Variants in BIRC6 observed in about 807,000 individuals in gnomAD.
The protein encoded by BIRC6 is dual E2 ubiquitin-conjugating enzyme/E3 ubiquitin-protein ligase BIRC6.
In BIRC6, 98 loss-of-function variants were observed where a neutral mutation model predicts 503.3. That is an observed-to-expected ratio of 0.19 (90% CI 0.17 to 0.23). The LOEUF is 0.23. Ranked by LOEUF, BIRC6 falls within the 10% of genes least tolerant of loss-of-function variation. The probability of loss-of-function intolerance (pLI) is 1.00; values close to 1 mark genes in which losing one functional copy is unlikely to be tolerated. For missense variants in BIRC6, 5,360 were observed against 5,806.0 expected (o/e 0.92, Z 2.50); for synonymous variants, 2,240 against 2,078.7 (o/e 1.08, Z -2.11).
chr2:32,432,709 G>A (rs958122021), intron 12 of BIRC6, among the ~76,000 whole-genome samples: 7 of 151,332 alleles, frequency 4.6e-5, no homozygotes, highest in African/African-American at 9.7e-5. Context: ...GTAGTGAGCC[G>A]TGATTGTGCC....
chr2:32,610,212 G>A (rs2062768425), intron 72 of BIRC6, among the ~76,000 whole-genome samples: 3 of 152,064 alleles, frequency 2.0e-5, no homozygotes, highest in South Asian at 4.1e-4. Context: ...AGGTTTGATT[G>A]TCTGTTCTTT....
chr2:32,380,731 A>G lies in BIRC6; in HGVS notation c.645+441A>G, dbSNP rs541629787. Among the ~76,000 whole-genome samples, 35 of 152,094 alleles carry G rather than the reference A, an allele frequency of 2.3e-4. No homozygotes were observed. The South Asian group carries it at 2.9e-3, about 13-fold the overall frequency. On this transcript the variant is annotated intron_variant, in intron 3 of 73. Coordinates refer to ENST00000421745, the MANE Select transcript of BIRC6 (RefSeq NM_016252.4). ...GGAAAGAGTGAGACTCTGTTGCCCA[A>G]AAAAAAAGAAAAAAGTTGAAACTTT...
intron 62 of BIRC6, 23 bp downstream of exon 62, chr2:32,543,564 A>G (rs1470696328): frequency 1.3e-5 from 21 of 1,601,144 alleles, no homozygotes; most frequent in Non-Finnish European, 1.7e-5. Context: ...TATTAAATTT[A>G]TCAACACATA....
At chr2:32,518,753 T>G (rs2055332785) in intron 56 of BIRC6, 64 bp from the exon 57 acceptor site, 1 of 1,517,962 alleles carries the variant, frequency 6.6e-7, no homozygotes. Flanking sequence ...CTTTTGAGAT[T>G]ATTTTATAAC....
At chr2:32,392,939 C>T (rs954549535) in intron 5 of BIRC6, among the ~76,000 whole-genome samples, 2 of 152,018 alleles carry the variant, frequency 1.3e-5, no homozygotes, top group African/African-American at 2.4e-5. Flanking sequence ...CTGTGCTAGG[C>T]CATAATTTTT....
chr2:32,554,220 G>A (rs1251148050), intron 65 of BIRC6, among the ~76,000 whole-genome samples: 1 of 152,008 alleles, frequency 6.6e-6, no homozygotes, highest in African/African-American at 2.4e-5. Context: ...AACTTAGTGG[G>A]GTATGCTACA....
chr2:32,457,798 T>C (rs1277601244), intron 23 of BIRC6, among the ~76,000 whole-genome samples: 1 of 152,136 alleles, frequency 6.6e-6, no homozygotes, highest in Non-Finnish European at 1.5e-5. Context: ...TTAGGTTTTT[T>C]GGGAAAAAGT....
intron 23 of BIRC6, among the ~76,000 whole-genome samples, chr2:32,460,995 CTGCTCTCTT>C (rs2047834792): frequency 7.3e-6 from 1 of 137,436 alleles, no homozygotes; most frequent in Non-Finnish European, 1.6e-5. Context: ...CTGCTCTGCT[CTGCTCTCTT>C]CTCTTCTCTT....
Position 32,406,504 on chromosome 2 carries a change from A to T in BIRC6, c.1424A>T (p.Asp475Val). The T allele has an allele frequency of 6.2e-7, 1 of 1,608,284 alleles. No homozygotes were observed. The highest frequency in any genetic ancestry group is 8.5e-7 in the Non-Finnish European group (1 of 1,175,752). Residue 475 changes from aspartate (D) to valine (V), a missense_variant, in exon 9 of 74, where the codon GAT becomes GTT. Asp to Val is a radical substitution (Grantham distance 152, BLOSUM62 -3). Around this residue, in one of 16 missense-constraint regions of BIRC6, gnomAD observed 700 missense variants for 739.3 expected, o/e 0.95. Transcript: ENST00000421745. ...ACTTTGTTTTTTGATTTAAGTGATG[A>T]TTTACTGGAGGATTCAGACAGTGAA... The part of the protein sequence containing the change: ...DIPKLEGDSD[D>V]LLEDSDSEEH...
rs1048930073 is a variant in BIRC6 at position 32,531,419 on chromosome 2, G to A, written c.12159G>A (p.Met4053Ile). 4 of 1,613,726 alleles carry A rather than the reference G, an allele frequency of 2.5e-6. No homozygotes were observed. In the African/African-American group the frequency reaches 4.0e-5, roughly 16 times the overall value. ...CTCTCACTCCAGGTGATGAATGCATGGATGGGATACTGGATGAATCTTTGC... is the reference window on the plus strand; with the variant it reads ...CTCTCACTCCAGGTGATGAATGCATAGATGGGATACTGGATGAATCTTTGC... ...DEALTPGDEC[M>I]DGILDESLLE... is the part of the protein sequence containing the mutation. Residue 4053 changes from methionine to isoleucine, a missense_variant, in exon 61 of 74, where the codon ATG (methionine) becomes ATA (isoleucine). Around this residue, in one of 16 missense-constraint regions of BIRC6, gnomAD observed 878 missense variants for 928.9 expected, o/e 0.95. Coordinates refer to ENST00000421745, the MANE Select transcript of BIRC6 (RefSeq NM_016252.4).
At position 32,482,602 on chromosome 2, in the gene BIRC6, T is replaced by C; in HGVS notation, c.7696+20T>C. On this transcript the variant is annotated intron_variant, in intron 39 of 73. Transcript: ENST00000421745. The stretch of plus-strand genomic sequence containing the variant: ...CTCAGGGTAAGTGTATGTTTATATT[T>C]TAAGACATATGCTATTCTTAAAACA... The C allele has an allele frequency of 6.2e-7, 1 of 1,612,500 alleles. No individual in the cohort carries two copies. The highest frequency in any genetic ancestry group is 8.5e-7 in the Non-Finnish European group (1 of 1,178,812).
chr2:32,506,558 G>A (rs1432376920), intron 50 of BIRC6, among the ~76,000 whole-genome samples: 1 of 152,226 alleles, frequency 6.6e-6, no homozygotes. Context: ...AAGCAAAGGA[G>A]TTTGGTCATA....
chr2:32,359,129 C>T (rs1014539719), intron 1 of BIRC6, among the ~76,000 whole-genome samples: 1 of 152,168 alleles, frequency 6.6e-6, no homozygotes, highest in Admixed American at 6.5e-5. Flanking sequence ...TCTTCATAAA[C>T]GTTATCTTTA....
rs770867364 is a variant in BIRC6, at chr2:32,491,565, T to G, written c.8340+7T>G. The G allele has an allele frequency of 2.5e-6, 4 of 1,612,072 alleles. No homozygotes were observed. The highest frequency in any genetic ancestry group is 2.7e-5 in the African/African-American group (2 of 74,874). ...AAATCAACACAGTCCACAGGTAATATGATGTTTAGCCTGGCATATGCCCAG... is the reference window on the plus strand; with the variant it reads ...AAATCAACACAGTCCACAGGTAATAGGATGTTTAGCCTGGCATATGCCCAG... On this transcript the variant is annotated splice_region_variant and intron_variant, in intron 44 of 73. Coordinates refer to ENST00000421745, the MANE Select transcript of BIRC6 (RefSeq NM_016252.4).
At chr2:32,367,747 T>C (rs915641459) in intron 1 of BIRC6, among the ~76,000 whole-genome samples, 1 of 152,106 alleles carries the variant, frequency 6.6e-6, no homozygotes, top group East Asian at 1.9e-4. Context: ...ACCCGGGAGA[T>C]AGAGGTTGCA....
intron 23 of BIRC6, among the ~76,000 whole-genome samples, chr2:32,460,272 ATTTTTTTT>A (rs70938346): frequency 0.019 from 361 of 18,698 alleles, 1 homozygote; most frequent in Middle Eastern, 0.33. Flanking sequence ...ATATATATAT[ATTTTTTTT>A]TTTTTTTTTT....
At chr2:32,575,534 G>A (rs2060206447) in intron 66 of BIRC6, among the ~76,000 whole-genome samples, 168 bp downstream of exon 66, 1 of 152,188 alleles carries the variant, frequency 6.6e-6, no homozygotes, top group Non-Finnish European at 1.5e-5. Flanking sequence ...GGAGGCCGAG[G>A]TGGATGGATC....
intron 61 of BIRC6, among the ~76,000 whole-genome samples, chr2:32,534,836 A>G (rs1443769517): frequency 6.6e-6 from 1 of 151,778 alleles, no homozygotes; most frequent in African/African-American, 2.4e-5. Flanking sequence ...GAAAAATTCT[A>G]ACTTACATGA....
chr2:32,605,071 CAG>C (rs1187001564), intron 71 of BIRC6, among the ~76,000 whole-genome samples: 1 of 151,906 alleles, frequency 6.6e-6, no homozygotes, highest in African/African-American at 2.4e-5. Context: ...TTAGTAGAGA[CAG>C]GGTTTCACCA....
Sources: allele counts gnomAD v4.1 joint callset (sites outside exome capture counted in the v4.1 genomes callset), GRCh38; gene constraint gnomAD v4.1.1; regional missense constraint gnomAD v4.1.1; transcripts MANE v1.5; gene names NCBI Gene and HGNC (gene_info 2026-07-23, HGNC 2026-07-21).